The following FRMD4A variants were observed in gnomAD, a reference collection of about 807,000 sequenced individuals.
The protein encoded by FRMD4A is FERM domain-containing protein 4A.
FRMD4A carries 29 observed loss-of-function variants against 129.1 expected under a neutral mutation model. That is an observed-to-expected ratio of 0.22 (90% CI 0.17 to 0.31). The LOEUF (loss-of-function observed/expected upper bound fraction) is 0.31. Ranked by LOEUF, FRMD4A falls within the 10% of genes least tolerant of loss-of-function variation. The pLI, the probability that FRMD4A is intolerant of heterozygous loss-of-function variation, is 1.00. For missense variants in FRMD4A, 1,272 were observed against 1,375.8 expected, an observed-to-expected ratio of 0.92 and a Z score of 1.19; for synonymous variants, 634 against 571.6, an observed-to-expected ratio of 1.11 and a Z score of -1.56.
At chr10:13,790,820 G>A (rs2092983985) in intron 5 of FRMD4A, among the ~76,000 whole-genome samples, 1 of 152,138 alleles carries the variant, frequency 6.6e-6, no homozygotes, top group African/African-American at 2.4e-5. Context: ...AGCAGAAGGG[G>A]TAGCAGAGGG....
chr10:14,254,959 A>G (rs1368091917), intron 2 of FRMD4A, among the ~76,000 whole-genome samples: 2 of 152,112 alleles, frequency 1.3e-5, no homozygotes, highest in African/African-American at 4.8e-5. Flanking sequence ...GTCTTAACTT[A>G]ATTTGCCTCC....
chr10:14,267,465 A>G (rs964012285), intron 2 of FRMD4A, among the ~76,000 whole-genome samples: 1 of 152,218 alleles, frequency 6.6e-6, no homozygotes, highest in Non-Finnish European at 1.5e-5. Context: ...AAGATGCCAG[A>G]TGCCACAGCC....
intron 2 of FRMD4A, among the ~76,000 whole-genome samples, chr10:13,946,365 G>A (rs899629857): frequency 6.6e-6 from 1 of 152,184 alleles, no homozygotes; most frequent in East Asian, 1.9e-4. Context: ...TGTCAACCAA[G>A]TCAGCGAACG....
Position 14,079,026 on chromosome 10 carries a change from T to G in FRMD4A, c.46-220114A>C, listed in dbSNP as rs1835774835. ...GAGGAAAGGACTGAGTGTCCAGGGTTTGGCCATCTCTAAGTGCTCTTTTGC... is the reference window on the plus strand; with the variant it reads ...GAGGAAAGGACTGAGTGTCCAGGGTGTGGCCATCTCTAAGTGCTCTTTTGC... On this transcript the variant is annotated intron_variant, in intron 2 of 24. Coordinates refer to ENST00000357447, the MANE Select transcript of FRMD4A (RefSeq NM_018027.5). Among the ~76,000 whole-genome samples, 3 of 152,100 alleles carry G rather than the reference T, an allele frequency of 2.0e-5. No individual in the cohort carries two copies. In the South Asian group the frequency reaches 6.2e-4, roughly 32 times the overall value.
At chr10:13,784,301 C>T (rs1485487474) in intron 5 of FRMD4A, among the ~76,000 whole-genome samples, 4 of 152,180 alleles carry the variant, frequency 2.6e-5, no homozygotes, top group Non-Finnish European at 5.9e-5. Flanking sequence ...TCCTGCTGGG[C>T]TTCTGTTCTT....
At chr10:14,064,288 G>A (rs1315545977) in intron 2 of FRMD4A, among the ~76,000 whole-genome samples, 1 of 152,348 alleles carries the variant, frequency 6.6e-6, no homozygotes, top group East Asian at 1.9e-4. Flanking sequence ...AAGAATGCAT[G>A]TGTTCCCAGT....
intron 2 of FRMD4A, among the ~76,000 whole-genome samples, chr10:14,097,787 G>GA (rs1256277670): frequency 6.7e-6 from 1 of 150,284 alleles, no homozygotes; most frequent in African/African-American, 2.4e-5. Flanking sequence ...AGATAAAAGA[G>GA]AAAAAATCAG....
chr10:13,703,472 C>T (rs1334603878), intron 13 of FRMD4A, among the ~76,000 whole-genome samples: 2 of 152,194 alleles, frequency 1.3e-5, no homozygotes, highest in African/African-American at 4.8e-5. Flanking sequence ...CTGAGCCCAT[C>T]GGCCCAGAAA....
At chr10:14,311,414 G>A (rs1846542167) in intron 2 of FRMD4A, among the ~76,000 whole-genome samples, 1 of 152,182 alleles carries the variant, frequency 6.6e-6, no homozygotes, top group Non-Finnish European at 1.5e-5. Flanking sequence ...TGAGATCCCA[G>A]AACATGAGCC....
chr10:13,874,245 CAAAAA>C (rs71388124), intron 2 of FRMD4A, among the ~76,000 whole-genome samples: 6 of 76,410 alleles, frequency 7.9e-5, no homozygotes, highest in East Asian at 4.7e-4. Flanking sequence ...GACACTGTCT[CAAAAA>C]AAAAAAAAAA....
chr10:13,850,503 C>T (rs1017379289), intron 3 of FRMD4A, among the ~76,000 whole-genome samples: 1 of 152,154 alleles, frequency 6.6e-6, no homozygotes, highest in Non-Finnish European at 1.5e-5. Flanking sequence ...CGCACAAGTC[C>T]TTCATGAGGA....
intron 6 of FRMD4A, among the ~76,000 whole-genome samples, chr10:13,771,596 T>G (rs2092455445): frequency 6.6e-6 from 1 of 152,178 alleles, no homozygotes; most frequent in South Asian, 2.1e-4. Flanking sequence ...AGTACAGTGA[T>G]AGGCCATGGA....
Position 14,323,476 on chromosome 10 carries a change from G to A in FRMD4A, c.45+6582C>T, listed in dbSNP as rs564607365. Among the ~76,000 whole-genome samples the A allele has an allele frequency of 6.6e-5, 10 of 152,244 alleles. No individual in the cohort carries two copies. In the East Asian group the frequency reaches 1.7e-3, roughly 26 times the overall value. On this transcript the variant is annotated intron_variant, in intron 2 of 24. Coordinates refer to ENST00000357447, the MANE Select transcript of FRMD4A (RefSeq NM_018027.5). Reference sequence around the variant, plus strand: ...ATTTATATTTATTTTGAGGAAAATTGAAGCCATGATTTGGGATTCACTGAT... The same window carrying A: ...ATTTATATTTATTTTGAGGAAAATTAAAGCCATGATTTGGGATTCACTGAT...
At chr10:13,991,855 A>G (rs1286726750) in intron 2 of FRMD4A, 2 of 152,668 alleles carry the variant, frequency 1.3e-5, no homozygotes, top group African/African-American at 4.8e-5. Flanking sequence ...AGGGTAAACT[A>G]GAAAATTAAG....
chr10:13,913,533 A>G (rs1304502910), intron 2 of FRMD4A, among the ~76,000 whole-genome samples: 1 of 152,200 alleles, frequency 6.6e-6, no homozygotes, highest in African/African-American at 2.4e-5. Flanking sequence ...CTTCTCTGCC[A>G]TTAGGGTCTT....
rs375570920 is a variant in FRMD4A, at chr10:14,128,822, C to T, written c.45+201236G>A. On this transcript the variant is annotated intron_variant, in intron 2 of 24. Transcript: ENST00000357447. ...CCACTTTCAGCATGGCCTCAGCACT[C>T]CTTTAACCTCACTTCCTTCCATCTG... 1.5e-3 allele frequency among the ~76,000 whole-genome samples: 228 copies of T among 152,174 alleles called. 1 individual carries two copies. Among genetic ancestry groups the T allele is most frequent in the South Asian group, 0.015 (72 of 4,820 alleles).
At chr10:14,265,009 C>T (rs374674838) in intron 2 of FRMD4A, among the ~76,000 whole-genome samples, 2 of 152,200 alleles carry the variant, frequency 1.3e-5, no homozygotes, top group South Asian at 2.1e-4. Context: ...GTCTCGAACT[C>T]CTGACCTCGT....
At chr10:14,089,637 A>AC (rs1437639065) in intron 2 of FRMD4A, among the ~76,000 whole-genome samples, 5 of 129,904 alleles carry the variant, frequency 3.8e-5, no homozygotes, top group East Asian at 3.0e-4. Context: ...AAACAAAAAA[A>AC]AACAAACAAA....
At chr10:14,313,370 C>T (rs1564458237) in intron 2 of FRMD4A, among the ~76,000 whole-genome samples, 1 of 151,876 alleles carries the variant, frequency 6.6e-6, no homozygotes, top group Non-Finnish European at 1.5e-5. Flanking sequence ...CTCAGAAATA[C>T]ATAAATAAAT....
Sources: gnomAD v4.1 joint callset for allele counts (sites outside exome capture counted in the v4.1 genomes callset) on GRCh38, gnomAD v4.1.1 for gene constraint, MANE v1.5 for transcripts, NCBI Gene and HGNC (gene_info 2026-07-23, HGNC 2026-07-21) for gene names.